Variants in TIMM23 observed in about 807,000 individuals in gnomAD.
The protein encoded by TIMM23 is mitochondrial import inner membrane translocase subunit Tim23.
Under a neutral mutation model 30.7 loss-of-function variants are expected in TIMM23, and 19 were observed. The observed-to-expected ratio is 0.62, with a 90% CI of 0.43 to 0.91. The LOEUF (loss-of-function observed/expected upper bound fraction) is 0.91. Ranked by LOEUF, TIMM23 falls within the 40% of genes least tolerant of loss-of-function variation. The pLI is 0.00. For synonymous variants in TIMM23, 78 were observed against 98.5 expected, an observed-to-expected ratio of 0.79 and a Z score of 1.23; for missense variants, 202 against 269.2, an observed-to-expected ratio of 0.75 and a Z score of 1.75.
At chr10:45,987,615 A>ATTT (rs781826848) in intron 5 of TIMM23, among the ~76,000 whole-genome samples, 36 of 79,136 alleles carry the variant, frequency 4.5e-4, no homozygotes, top group Non-Finnish European at 6.9e-4. Context: ...TATTATAAAG[A>ATTT]TTTTTTTTTT....
intron 1 of TIMM23, among the ~76,000 whole-genome samples, chr10:45,973,597 T>G (rs1185155791): frequency 1.3e-5 from 2 of 152,308 alleles, no homozygotes; most frequent in African/African-American, 4.8e-5. Flanking sequence ...TGGTGTCACC[T>G]TTGTCAAAAA....
chr10:45,982,755 A>G, intron 3 of TIMM23, 91 bp from the exon 4 acceptor site: 3 of 1,580,660 alleles, frequency 1.9e-6, no homozygotes, highest in Non-Finnish European at 2.6e-6. Context: ...AATAAAAATG[A>G]AAAAGAATCA....
intron 6 of TIMM23, among the ~76,000 whole-genome samples, chr10:45,994,841 G>A (rs1158228027): frequency 6.6e-6 from 1 of 152,174 alleles, no homozygotes; most frequent in African/African-American, 2.4e-5. Flanking sequence ...AACTTCTTCA[G>A]TGGTGCTATA....
chr10:46,001,022 A>G (rs190614256), intron 6 of TIMM23, among the ~76,000 whole-genome samples: 1 of 152,328 alleles, frequency 6.6e-6, no homozygotes, highest in East Asian at 1.9e-4. Flanking sequence ...TGTTGCAGAT[A>G]CCTTTAGCAT....
intron 6 of TIMM23, among the ~76,000 whole-genome samples, chr10:46,000,458 A>G (rs1479660731): frequency 6.6e-6 from 1 of 152,204 alleles, no homozygotes; most frequent in Non-Finnish European, 1.5e-5. Flanking sequence ...GGGCTCAAGC[A>G]GTCCGCCCAC....
At chr10:45,979,608 T>A (rs1199809485) in intron 2 of TIMM23, among the ~76,000 whole-genome samples, 1 of 86,642 alleles carries the variant, frequency 1.2e-5, no homozygotes, top group Non-Finnish European at 2.8e-5. Flanking sequence ...TGCCTGGCCT[T>A]TTTTTTTTTT....
chr10:45,994,514 A>C (rs1838269393), intron 6 of TIMM23, among the ~76,000 whole-genome samples: 1 of 112,504 alleles, frequency 8.9e-6, no homozygotes, highest in African/African-American at 3.5e-5. Flanking sequence ...ATCATGGCTC[A>C]CTGCCACCTC....
At chr10:45,994,134 G>A (rs1176963421) in intron 6 of TIMM23, among the ~76,000 whole-genome samples, 39 of 152,140 alleles carry the variant, frequency 2.6e-4, no homozygotes, top group Admixed American at 2.6e-3. Context: ...GAGGTCAGGA[G>A]TTCAAGACCA....
chr10:45,994,830 A>G (rs1838281327), intron 6 of TIMM23, among the ~76,000 whole-genome samples: 2 of 152,126 alleles, frequency 1.3e-5, no homozygotes, highest in African/African-American at 4.8e-5. Context: ...CCCTAAATGT[A>G]AACTTCTTCA....
At chr10:45,992,070 GA>G (rs1838180605) in intron 6 of TIMM23, among the ~76,000 whole-genome samples, 1 of 151,916 alleles carries the variant, frequency 6.6e-6, no homozygotes, top group Non-Finnish European at 1.5e-5. Context: ...GGGCTCAAGG[GA>G]TCCTCTCACC....
At chr10:45,986,376 C>T (rs1333844171) in intron 5 of TIMM23, among the ~76,000 whole-genome samples, 1 of 152,114 alleles carries the variant, frequency 6.6e-6, no homozygotes, top group Non-Finnish European at 1.5e-5. Flanking sequence ...GTAGGACTGT[C>T]AGAGAAAAGT....
chr10:45,978,720 C>T (rs1375241543), intron 2 of TIMM23, among the ~76,000 whole-genome samples: 1 of 152,172 alleles, frequency 6.6e-6, no homozygotes, highest in East Asian at 1.9e-4. Context: ...CTTTTAGAAA[C>T]AGTCTGGCAG....
intron 6 of TIMM23, among the ~76,000 whole-genome samples, chr10:45,991,484 G>T (rs1324082892): frequency 3.9e-4 from 59 of 152,210 alleles, no homozygotes; most frequent in African/African-American, 1.3e-3. Context: ...GGGCACGGTG[G>T]CTCATGCCTG....
intron 1 of TIMM23, among the ~76,000 whole-genome samples, 193 bp downstream of exon 1, chr10:45,972,923 C>T (rs1837538872): frequency 6.6e-6 from 1 of 152,034 alleles, no homozygotes; most frequent in Non-Finnish European, 1.5e-5. Flanking sequence ...GGCCACGGAT[C>T]TCCTGGGGAA....
chr10:45,997,145 T>TG (rs1338079325), intron 6 of TIMM23, among the ~76,000 whole-genome samples: 1 of 151,746 alleles, frequency 6.6e-6, no homozygotes, highest in African/African-American at 2.4e-5. Flanking sequence ...CACTTGAGCT[T>TG]GGGGAGGTCA....
In TIMM23 at chr10:45,972,815, T is replaced by G. The variant is rs78224736; in HGVS notation, c.106+85T>G. On this transcript the variant is annotated intron_variant, in intron 1 of 6. Coordinates refer to ENST00000580018, the MANE Select transcript of TIMM23 (RefSeq NM_006327.4). ...GCGCGTCCCATGTTTTATGTTGTTG[T>G]TTTTTTTTTCCTTGCTGGCATTTAC... 7 of 1,429,708 alleles carry G rather than the reference T, an allele frequency of 4.9e-6. No homozygotes were observed. The South Asian group carries it at 5.1e-5, about 10-fold the overall frequency. The allele number at this position is 1,429,708 out of a possible 1,614,324, so 88.6% of individuals were successfully genotyped here.
At chr10:45,977,147 A>G (rs2132243884) in intron 2 of TIMM23, among the ~76,000 whole-genome samples, 1 of 149,808 alleles carries the variant, frequency 6.7e-6, no homozygotes, top group African/African-American at 2.5e-5. Context: ...TTTAATATTA[A>G]AATGGCAGTG....
chr10:45,977,732 A>C (rs1326570261), intron 2 of TIMM23, among the ~76,000 whole-genome samples: 12 of 152,200 alleles, frequency 7.9e-5, no homozygotes, highest in Non-Finnish European at 1.6e-4. Flanking sequence ...TGGTTTAGAC[A>C]ATACCAACAA....
At chr10:45,974,494 G>A (rs1244526397) in intron 1 of TIMM23, among the ~76,000 whole-genome samples, 2 of 152,196 alleles carry the variant, frequency 1.3e-5, no homozygotes, top group Non-Finnish European at 2.9e-5. Context: ...GTCTGTCTTC[G>A]TAGTTACAAG....
Sources: gnomAD v4.1 joint callset for allele counts (sites outside exome capture counted in the v4.1 genomes callset) on GRCh38, gnomAD v4.1.1 for gene constraint, MANE v1.5 for transcripts, NCBI Gene and HGNC (gene_info 2026-07-23, HGNC 2026-07-21) for gene names.